TSNAXIP1: variants seen among roughly 807,000 people sequenced by gnomAD.
TSNAXIP1 encodes translin-associated factor X-interacting protein 1.
A neutral mutation model predicts 84.8 loss-of-function variants in TSNAXIP1; 89 were observed. That is an observed-to-expected ratio of 1.05 (90% CI 0.88 to 1.25). The LOEUF (loss-of-function observed/expected upper bound fraction) is 1.25, where lower values mean the gene tolerates loss of function less well. Among genes scored for constraint, TSNAXIP1 ranks in the 50% most tolerant of loss-of-function variants. TSNAXIP1 has a pLI of 0.00. For missense variants in TSNAXIP1, 874 were observed against 887.6 expected (o/e 0.98, Z 0.20); for synonymous variants, 347 against 335.2 (o/e 1.04, Z -0.39).
chr16:67,813,181 G>A (rs1242251288), intron 1 of TSNAXIP1, among the ~76,000 whole-genome samples: 2 of 152,014 alleles, frequency 1.3e-5, no homozygotes, highest in Non-Finnish European at 2.9e-5. Flanking sequence ...GAGGTCAGGT[G>A]TTCAAGACCA....
rs769118308 is a variant in TSNAXIP1, at chr16:67,827,049, GCTA to G, written c.1645_1647del (p.Leu549del). ...CAAATGCTGACAGTCAGAACGAGGGGCTACTAACCATGGAGCAGTTCAAGTGAG... is the reference window on the plus strand; with the variant it reads ...CAAATGCTGACAGTCAGAACGAGGGGCTAACCATGGAGCAGTTCAAGTGAG... On this transcript the variant is annotated inframe_deletion, in exon 13 of 16. Coordinates refer to ENST00000561639, the MANE Select transcript of TSNAXIP1 (RefSeq NM_001288990.3). The G allele has an allele frequency of 7.4e-6, 12 of 1,613,990 alleles. No homozygotes were observed. Among genetic ancestry groups the G allele is most frequent in the Non-Finnish European group, 8.5e-6 (10 of 1,180,028 alleles).
intron 2 of TSNAXIP1, among the ~76,000 whole-genome samples, chr16:67,820,391 T>G (rs765838400): frequency 1.3e-5 from 2 of 152,072 alleles, no homozygotes; most frequent in Non-Finnish European, 2.9e-5. Flanking sequence ...TTAACCCGAG[T>G]CTTCTCTAAC....
At chr16:67,827,639 T>C (rs1346906338) in intron 15 of TSNAXIP1, 60 bp downstream of exon 15, 4 of 1,611,566 alleles carry the variant, frequency 2.5e-6, no homozygotes, top group African/African-American at 1.3e-5. Flanking sequence ...CCCCTGGGTC[T>C]CCCTGTGCAC....
Position 67,826,478 on chromosome 16 carries a change from C to A in TSNAXIP1, c.1317C>A (p.Gly439=), listed in dbSNP as rs1293113375. Residue 439 remains glycine (G), a synonymous_variant, in exon 11 of 16, where the codon GGC becomes GGA. Coordinates refer to ENST00000561639, the MANE Select transcript of TSNAXIP1 (RefSeq NM_001288990.3). ...TCCCTGCTTTTCTTCGGTTTGATGG[C>A]CTCGTGGAGAACAAGAAGCCAAGCA... The part of the protein sequence containing the change: ...EAIPAFLRFD[G]LVENKKPSKK... The A allele has an allele frequency of 6.2e-7, 1 of 1,613,962 alleles. No homozygotes were observed. The highest frequency in any genetic ancestry group is 8.5e-7 in the Non-Finnish European group (1 of 1,180,036).
intron 2 of TSNAXIP1, among the ~76,000 whole-genome samples, chr16:67,816,934 C>T (rs2056608868): frequency 6.6e-6 from 1 of 151,522 alleles, no homozygotes; most frequent in Admixed American, 6.6e-5. Flanking sequence ...GTAGACAGAA[C>T]ACGAGGACTG....
chr16:67,809,897 C>T (rs375291711), intron 1 of TSNAXIP1, among the ~76,000 whole-genome samples: 5 of 151,742 alleles, frequency 3.3e-5, no homozygotes, highest in East Asian at 1.9e-4. Context: ...TGCAGTGAGC[C>T]GAGATCGGGC....
rs1303217104 is a variant in TSNAXIP1 at position 67,806,914 on chromosome 16, TG to T, written c.-232del. The T allele has an allele frequency of 4.8e-6, 3 of 627,388 alleles. No homozygotes were observed. Among genetic ancestry groups the T allele is most frequent in the Non-Finnish European group, 5.5e-6 (2 of 363,914 alleles). The allele number at this position is 627,388 out of a possible 1,614,324, so 38.9% of individuals were successfully genotyped here. On this transcript the variant is annotated 5_prime_UTR_variant, in exon 1 of 16. Coordinates refer to ENST00000561639, the MANE Select transcript of TSNAXIP1 (RefSeq NM_001288990.3). ...ATCCCCCTGCCTCAGTTCTGGTACC[TG>T]GGGTCAAATCGGCTGTAGTGGTTGA...
intron 3 of TSNAXIP1, 65 bp downstream of exon 3, chr16:67,821,016 G>A: frequency 1.9e-6 from 3 of 1,598,188 alleles, no homozygotes; most frequent in Non-Finnish European, 2.6e-6. Flanking sequence ...CAGGAGACAG[G>A]GCAGGGGCGT....
At chr16:67,816,267 C>G (rs1228536589) in intron 2 of TSNAXIP1, among the ~76,000 whole-genome samples, 2 of 151,986 alleles carry the variant, frequency 1.3e-5, no homozygotes, top group Non-Finnish European at 1.5e-5. Flanking sequence ...GTACCTGGCC[C>G]CAATGCTGTC....
chr16:67,807,409 G>C (rs1819497905), intron 1 of TSNAXIP1: 1 of 1,516,472 alleles, frequency 6.6e-7, no homozygotes, highest in Non-Finnish European at 8.8e-7. Context: ...ATCATTACTA[G>C]TAACAACCAG....
At position 67,827,277 on chromosome 16, in the gene TSNAXIP1, A is replaced by G; in HGVS notation, c.1693A>G (p.Lys565Glu). The change falls in exon 14 of 16, where the codon AAG (lysine) becomes GAG (glutamate). Residue 565 changes from lysine to glutamate, a missense_variant. Lys to Glu is a moderately conservative substitution (Grantham distance 56). Transcript: ENST00000561639. ...NTVLKSTFPLKTEEQIQELME... is the reference protein window; with the variant it reads ...NTVLKSTFPLETEEQIQELME... Reference sequence around the variant, plus strand: ...TGTCCTCAAGAGTACCTTCCCTCTCAAGACAGAAGAGCAAATCCAGGAGCT... The same window carrying G: ...TGTCCTCAAGAGTACCTTCCCTCTCGAGACAGAAGAGCAAATCCAGGAGCT... The G allele has an allele frequency of 6.2e-7, 1 of 1,614,108 alleles. No individual in the cohort carries two copies. Among genetic ancestry groups the G allele is most frequent in the Non-Finnish European group, 8.5e-7 (1 of 1,179,950 alleles).
At chr16:67,825,091 AG>A in intron 6 of TSNAXIP1, 45 bp from the exon 7 acceptor site, 2 of 1,602,180 alleles carry the variant, frequency 1.2e-6, no homozygotes, top group Non-Finnish European at 8.5e-7. Flanking sequence ...AGCTGCATAC[AG>A]GGGTCCAGGG....
At chr16:67,814,891 G>C (rs2056412233) in intron 2 of TSNAXIP1, among the ~76,000 whole-genome samples, 1 of 152,166 alleles carries the variant, frequency 6.6e-6, no homozygotes, top group South Asian at 2.1e-4. Flanking sequence ...GAGTAGGTGT[G>C]TGAAGGCAGG....
intron 4 of TSNAXIP1, among the ~76,000 whole-genome samples, chr16:67,822,550 T>C (rs2057143721): frequency 6.8e-6 from 1 of 147,786 alleles, no homozygotes; most frequent in Non-Finnish European, 1.5e-5. Context: ...CACAGATGCA[T>C]AAGGAGGGAG....
chr16:67,807,301 T>C (rs2055529393), intron 1 of TSNAXIP1, 105 bp downstream of exon 1: 3 of 1,534,728 alleles, frequency 2.0e-6, no homozygotes, highest in African/African-American at 2.7e-5. Flanking sequence ...CCTCTGACCA[T>C]TGATCTAGGG....
intron 4 of TSNAXIP1, among the ~76,000 whole-genome samples, chr16:67,822,659 T>C (rs1567762966): frequency 6.6e-6 from 1 of 152,180 alleles, no homozygotes; most frequent in Non-Finnish European, 1.5e-5. Flanking sequence ...ACAAGGATGA[T>C]GACAGAGAAT....
At chr16:67,813,498 G>T (rs916973727) in intron 1 of TSNAXIP1, among the ~76,000 whole-genome samples, 4 of 151,784 alleles carry the variant, frequency 2.6e-5, no homozygotes, top group Admixed American at 2.6e-4. Flanking sequence ...ATTTTGGGAG[G>T]CCAAGGCAGG....
At chr16:67,815,555 A>G (rs1598018758) in intron 2 of TSNAXIP1, among the ~76,000 whole-genome samples, 2 of 152,108 alleles carry the variant, frequency 1.3e-5, no homozygotes, top group Admixed American at 1.3e-4. Context: ...GCTGGAGTGC[A>G]GTGGCACAAA....
intron 3 of TSNAXIP1, 22 bp from the exon 4 acceptor site, chr16:67,821,077 T>C: frequency 6.2e-7 from 1 of 1,613,060 alleles, no homozygotes; most frequent in African/African-American, 1.3e-5. Flanking sequence ...GCTGGCCACA[T>C]ATCAGCCACT....
Sources: allele counts gnomAD v4.1 joint callset (sites outside exome capture counted in the v4.1 genomes callset), GRCh38; gene constraint gnomAD v4.1.1; transcripts MANE v1.5; gene names NCBI Gene and HGNC (gene_info 2026-07-23, HGNC 2026-07-21).